Variants in PER2 observed in about 807,000 individuals in gnomAD.
The protein encoded by PER2 is period circadian protein homolog 2.
In PER2, 66 loss-of-function variants were observed where a neutral mutation model predicts 121.0. The observed-to-expected ratio is 0.55, with a 90% CI of 0.45 to 0.67. The LOEUF (loss-of-function observed/expected upper bound fraction) is 0.67, where lower values mean the gene tolerates loss of function less well. Ranked by LOEUF, PER2 falls within the 30% of genes least tolerant of loss-of-function variation. PER2 has a pLI of 0.00. For missense variants in PER2, 1,521 were observed against 1,635.0 expected (o/e 0.93, Z 1.20); for synonymous variants, 684 against 659.9 (o/e 1.04, Z -0.56).
At chr2:238,296,966 A>G in the PER2 span, among the ~76,000 whole-genome samples, 26 of 152,338 alleles carry the variant, frequency 1.7e-4, no homozygotes, top group African/African-American at 6.3e-4. Context: ...CGCGGGGGAC[A>G]TCTTCAGCTC....
rs566623468 is a variant in PER2 at position 238,280,402 on chromosome 2, T to C, written c.-19-2447A>G. On this transcript the variant is annotated intron_variant, in intron 1 of 22. Transcript: ENST00000254657. ...AAACAGAAGAAAGCCAACACGGGGCTGTGGAAAACACACACAGCAAAGACA... is the reference window on the plus strand; with the variant it reads ...AAACAGAAGAAAGCCAACACGGGGCCGTGGAAAACACACACAGCAAAGACA... Among the ~76,000 whole-genome samples, 255 of 152,328 alleles carry C rather than the reference T, an allele frequency of 1.7e-3. 2 individuals carry two copies. The highest frequency in any genetic ancestry group is 2.7e-3 in the Non-Finnish European group (184 of 68,028).
chr2:238,275,143 T>C (rs1379494122), intron 4 of PER2, among the ~76,000 whole-genome samples: 1 of 152,208 alleles, frequency 6.6e-6, no homozygotes, highest in Non-Finnish European at 1.5e-5. Context: ...CTCAGATTTT[T>C]CTATTTTTAT....
At chr2:238,295,201 C>A in the PER2 span, among the ~76,000 whole-genome samples, 2 of 150,158 alleles carry the variant, frequency 1.3e-5, no homozygotes, top group Non-Finnish European at 2.9e-5. Context: ...TTGGAAGCAA[C>A]AAAGTTGTTG....
rs563240024 is a variant in PER2 at position 238,257,152 on chromosome 2, C to G, written c.1901-66G>C. 269 of 1,486,044 alleles carry G rather than the reference C, an allele frequency of 1.8e-4. 2 individuals are homozygous for G. The South Asian group carries it at 2.9e-3, about 16-fold the overall frequency. 92.1% of individuals were successfully genotyped at this position (1,486,044 alleles called of 1,614,324 possible). ...ACAATGCACTGTGCAGATGAGAAACCGACACCCAAGTGCCCATACAGCTTC... is the reference window on the plus strand; with the variant it reads ...ACAATGCACTGTGCAGATGAGAAACGGACACCCAAGTGCCCATACAGCTTC... On this transcript the variant is annotated intron_variant, in intron 16 of 22. Coordinates refer to ENST00000254657, the MANE Select transcript of PER2 (RefSeq NM_022817.3).
chr2:238,258,312 G>A lies in PER2; in HGVS notation c.1864C>T (p.Arg622Trp). 6 of 1,614,074 alleles carry A rather than the reference G, an allele frequency of 3.7e-6. No homozygotes were observed. The highest frequency in any genetic ancestry group is 3.3e-5 in the South Asian group (3 of 91,090). Reference protein sequence around the residue: ...NVPALRSSDKRKATVSPGPHA... With the variant: ...NVPALRSSDKWKATVSPGPHA... ...GGCCCTGGGCTGACTGTGGCCTTCC[G>A]CTTATCACTGGACCTTAGCGCTGGG... Residue 622 changes from arginine to tryptophan, a missense_variant, in exon 16 of 23, where the codon CGG (arginine) becomes TGG (tryptophan). Arg to Trp is a moderately radical substitution (Grantham distance 101). Coordinates refer to ENST00000254657, the MANE Select transcript of PER2 (RefSeq NM_022817.3).
intron 14 of PER2, 98 bp downstream of exon 14, chr2:238,259,871 T>A (rs1695874482): frequency 5.7e-6 from 4 of 698,628 alleles, no homozygotes; most frequent in Non-Finnish European, 1.1e-5. Flanking sequence ...CAAGGTAGAC[T>A]CCCTGCCAGC....
Position 238,253,321 on chromosome 2 carries a change from G to A in PER2, c.2702C>T (p.Ala901Val), listed in dbSNP as rs777276987. 3.4e-5 allele frequency: 55 copies of A among 1,613,562 alleles called. No individual in the cohort carries two copies. Among genetic ancestry groups the A allele is most frequent in the Admixed American group, 2.0e-4 (12 of 59,950 alleles). ...VQPPPFPAPL[A>V]PVMAFMLPSY... ...GGGTAGCATGAATGCCATGACAGGC[G>A]CCAAAGGGGCAGGGAAAGGTGGGGG... The change falls in exon 19 of 23, where the codon GCG becomes GTG. Residue 901 changes from alanine (A) to valine (V), a missense_variant. Coordinates refer to ENST00000254657, the MANE Select transcript of PER2 (RefSeq NM_022817.3). This position sits in a 1 kb window ranked among gnomAD's most constrained non-coding sequence, Gnocchi z 5.6.
At chr2:238,256,806 C>T in intron 17 of PER2, 116 bp downstream of exon 17, 3 of 1,082,786 alleles carry the variant, frequency 2.8e-6, no homozygotes, top group Non-Finnish European at 2.7e-6. Flanking sequence ...CCTGAAACGC[C>T]CCCTATCGGG....
chr2:238,286,503 A>AG, intron 1 of PER2, among the ~76,000 whole-genome samples: 1 of 146,190 alleles, frequency 6.8e-6, no homozygotes, highest in African/African-American at 2.5e-5. Flanking sequence ...CCTGGTCCCT[A>AG]GGGGGGAGTG....
chr2:238,247,805 G>C (rs1695488287), intron 22 of PER2, among the ~76,000 whole-genome samples: 1 of 152,228 alleles, frequency 6.6e-6, no homozygotes, highest in South Asian at 2.1e-4. Context: ...TAGGTGGTCA[G>C]ATGTGTATGG....
Position 238,246,393 on chromosome 2 carries a change from C to T in PER2, c.3750G>A (p.Arg1250=). 1 of 1,610,996 alleles carries T rather than the reference C, an allele frequency of 6.2e-7. No homozygotes were observed. Among genetic ancestry groups the T allele is most frequent in the Non-Finnish European group, 8.5e-7 (1 of 1,178,244 alleles). The change falls in exon 23 of 23, where the codon AGG becomes AGA. Residue 1250 remains arginine (R), a synonymous_variant. Transcript: ENST00000254657. ...GCAGGGGTTACGTCTGCTCTTCGATCCTGTGATTCAAGGGGGATCCATTTT... is the reference window on the plus strand; with the variant it reads ...GCAGGGGTTACGTCTGCTCTTCGATTCTGTGATTCAAGGGGGATCCATTTT... ...EDENGSPLNH[R]IEEQT is the part of the protein sequence containing the mutation.
chr2:238,251,735 G>C lies in PER2; in HGVS notation c.3138C>G (p.Asn1046Lys). Reference sequence around the variant, plus strand: ...CGCTTGACGTGGAAAGGGCGTCACTGTTCTGTGTGTCTGAGGGTTCATCAC... The same window carrying C: ...CGCTTGACGTGGAAAGGGCGTCACTCTTCTGTGTGTCTGAGGGTTCATCAC... ...LTRDEPSDTQ[N>K]SDALSTSSGL... Residue 1046 changes from asparagine (N) to lysine (K), a missense_variant, in exon 20 of 23, where the codon AAC (asparagine) becomes AAG (lysine). Physicochemically the swap from Asn to Lys is moderately conservative, Grantham distance 94. Coordinates refer to ENST00000254657, the MANE Select transcript of PER2 (RefSeq NM_022817.3). 1 of 1,606,222 alleles carries C rather than the reference G, an allele frequency of 6.2e-7. No homozygotes were observed. Among genetic ancestry groups the C allele is most frequent in the African/African-American group, 1.3e-5 (1 of 74,358 alleles).
rs1016254380 is a variant in PER2, at chr2:238,246,166, T to C, written c.*209A>G. 9.4e-5 allele frequency: 31 copies of C among 329,546 alleles called. No individual in the cohort carries two copies. Among genetic ancestry groups the C allele is most frequent in the Non-Finnish European group, 1.5e-4 (28 of 183,238 alleles). The allele number at this position is 329,546 out of a possible 1,614,324, so 20.4% of individuals were successfully genotyped here. A position where few individuals can be genotyped will look rare whatever the true frequency, so the allele number is the denominator to read the frequency against. ...CAAAACTCCACATATATATTTTATATATAAAAACATATTTCTTTCCGAACT... is the reference window on the plus strand; with the variant it reads ...CAAAACTCCACATATATATTTTATACATAAAAACATATTTCTTTCCGAACT... On this transcript the variant is annotated 3_prime_UTR_variant, in exon 23 of 23. Transcript: ENST00000254657.
At chr2:238,297,268 T>C in the PER2 span, among the ~76,000 whole-genome samples, 7 of 151,884 alleles carry the variant, frequency 4.6e-5, no homozygotes, top group Non-Finnish European at 8.8e-5. Flanking sequence ...GGAAAGGCAT[T>C]GTATGGAGAA....
At position 238,245,923 on chromosome 2, in the gene PER2, T is replaced by C. The variant is rs962646477; in HGVS notation, c.*452A>G. ...AAAACACTCTACCTTGACTAAATGA[T>C]AATTCAGATAAAAAGCAGTCCCCAA... On this transcript the variant is annotated 3_prime_UTR_variant, in exon 23 of 23. Coordinates refer to ENST00000254657, the MANE Select transcript of PER2 (RefSeq NM_022817.3). The C allele has an allele frequency of 3.2e-6, 1 of 314,446 alleles. No homozygotes were observed. Among genetic ancestry groups the C allele is most frequent in the Non-Finnish European group, 5.7e-6 (1 of 174,122 alleles). 19.5% of individuals were successfully genotyped at this position (314,446 alleles called of 1,614,324 possible).
chr2:238,294,386 A>C (rs1331598051), upstream of PER2, among the ~76,000 whole-genome samples: 2 of 152,214 alleles, frequency 1.3e-5, no homozygotes, highest in Non-Finnish European at 2.9e-5. Context: ...GGGACCAACA[A>C]GGCCTGCTGT....
chr2:238,274,309 C>T (rs572809841), intron 4 of PER2, among the ~76,000 whole-genome samples: 1 of 152,334 alleles, frequency 6.6e-6, no homozygotes, highest in East Asian at 1.9e-4. Flanking sequence ...GCCCTCAGGG[C>T]TCAACAGGCC....
intron 4 of PER2, among the ~76,000 whole-genome samples, chr2:238,275,276 G>A (rs1297492825): frequency 6.6e-6 from 1 of 152,162 alleles, no homozygotes; most frequent in Non-Finnish European, 1.5e-5. Context: ...AAGATGCTCT[G>A]CAGGGCACCT....
chr2:238,271,714 C>T (rs1355623640), intron 5 of PER2, among the ~76,000 whole-genome samples: 2 of 152,154 alleles, frequency 1.3e-5, no homozygotes, highest in Non-Finnish European at 2.9e-5. Flanking sequence ...GGACAAGCCC[C>T]TCATTCTAAA....
Sources: gnomAD v4.1 joint callset for allele counts (sites outside exome capture counted in the v4.1 genomes callset) on GRCh38, gnomAD v4.1.1 for gene constraint, Gnocchi (gnomAD v3.1) non-coding constraint, MANE v1.5 for transcripts, NCBI Gene and HGNC (gene_info 2026-07-23, HGNC 2026-07-21) for gene names.